FAM13B: variants seen among roughly 807,000 people sequenced by gnomAD.
FAM13B encodes the protein family with sequence similarity 13 member B.
FAM13B carries 60 observed loss-of-function variants against 117.3 expected under a neutral mutation model. That is an observed-to-expected ratio of 0.51 (90% confidence interval 0.42 to 0.63). FAM13B has a LOEUF of 0.63. Ranked by LOEUF, FAM13B falls within the 30% of genes least tolerant of loss-of-function variation. The pLI is 0.00. For synonymous variants in FAM13B, 332 were observed against 356.1 expected, an observed-to-expected ratio of 0.93 and a Z score of 0.76; for missense variants, 972 against 1,091.9, an observed-to-expected ratio of 0.89 and a Z score of 1.55.
chr5:137,941,501 C>A (rs1176968451), intron 23 of FAM13B, among the ~76,000 whole-genome samples: 2 of 152,174 alleles, frequency 1.3e-5, no homozygotes, highest in African/African-American at 4.8e-5. Context: ...GAGCCACATG[C>A]CTGGCACACT....
intron 10 of FAM13B, among the ~76,000 whole-genome samples, chr5:137,977,510 C>A (rs1306113395): frequency 2.0e-5 from 3 of 152,128 alleles, no homozygotes; most frequent in African/African-American, 4.8e-5. Context: ...CCCCGGATGC[C>A]CAGCTTTAAA....
intron 7 of FAM13B, 113 bp from the exon 8 acceptor site, chr5:137,988,428 T>A (rs1705140590): frequency 2.7e-6 from 2 of 730,444 alleles, no homozygotes; most frequent in Admixed American, 3.0e-5. Context: ...GAGCACATAC[T>A]AAGTGTTGTA....
chr5:137,953,506 T>G, intron 15 of FAM13B, 41 bp from the exon 16 acceptor site: 1 of 1,603,120 alleles, frequency 6.2e-7, no homozygotes, highest in Non-Finnish European at 8.5e-7. Flanking sequence ...AATTTTCAAG[T>G]ACCAACACTG....
At chr5:137,996,279 G>A (rs528751107) in intron 7 of FAM13B, among the ~76,000 whole-genome samples, 1 of 152,210 alleles carries the variant, frequency 6.6e-6, no homozygotes, top group South Asian at 2.1e-4. Context: ...GGGACTACAG[G>A]CGCCGGCCAC....
At chr5:137,970,062 C>T (rs1186332302) in intron 10 of FAM13B, among the ~76,000 whole-genome samples, 1 of 152,004 alleles carries the variant, frequency 6.6e-6, no homozygotes, top group African/African-American at 2.4e-5. Flanking sequence ...GAGAACTTCC[C>T]CAATCTAGCA....
chr5:137,955,177 C>T (rs1356624976), intron 14 of FAM13B, among the ~76,000 whole-genome samples: 1 of 150,340 alleles, frequency 6.7e-6, no homozygotes, highest in Non-Finnish European at 1.5e-5. Context: ...CTGTCCCTCA[C>T]TGTCAAATAG....
At chr5:137,987,949 C>T (rs964655587) in intron 8 of FAM13B, among the ~76,000 whole-genome samples, 1 of 152,146 alleles carries the variant, frequency 6.6e-6, no homozygotes, top group Non-Finnish European at 1.5e-5. Context: ...GCAAAATAAC[C>T]TACTAACAGC....
rs369680761 is a variant in FAM13B at position 137,977,759 on chromosome 5, T to G, written c.1179+7498A>C. Among the ~76,000 whole-genome samples the G allele has an allele frequency of 1.1e-4, 16 of 152,360 alleles. No individual in the cohort carries two copies. The East Asian group carries it at 2.1e-3, about 20-fold the overall frequency. ...GCAGCTTCTACCTACTCACCTGATA[T>G]TCATTCTCAACCATGAAATCCTCTA... On this transcript the variant is annotated intron_variant, in intron 10 of 23. Transcript: ENST00000689681.
chr5:137,968,621 A>C (rs1195988352), intron 10 of FAM13B, among the ~76,000 whole-genome samples: 2 of 152,168 alleles, frequency 1.3e-5, no homozygotes, highest in Non-Finnish European at 2.9e-5. Flanking sequence ...ATGGCCGAAT[A>C]GGAACGGCTC....
intron 10 of FAM13B, among the ~76,000 whole-genome samples, chr5:137,984,521 T>G (rs1187335473): frequency 6.6e-6 from 1 of 152,188 alleles, no homozygotes; most frequent in African/African-American, 2.4e-5. Context: ...GTATCTCCCA[T>G]GTATATATGA....
At chr5:138,020,680 A>C (rs910852807) in intron 2 of FAM13B, 1 of 153,610 alleles carries the variant, frequency 6.5e-6, no homozygotes, top group African/African-American at 2.4e-5. Context: ...TAGAAAAACA[A>C]TTTCTTTCTC....
intron 7 of FAM13B, among the ~76,000 whole-genome samples, chr5:137,996,921 T>C (rs1316984321): frequency 6.6e-6 from 1 of 152,198 alleles, no homozygotes; most frequent in African/African-American, 2.4e-5. Flanking sequence ...AATTGAGTTT[T>C]AGGAAGGCAT....
chr5:137,949,565 AG>A (rs1337521747), intron 17 of FAM13B, among the ~76,000 whole-genome samples: 2 of 152,192 alleles, frequency 1.3e-5, no homozygotes, highest in African/African-American at 4.8e-5. Flanking sequence ...GGATCACTTG[AG>A]GTCAGGAGTT....
intron 20 of FAM13B, among the ~76,000 whole-genome samples, chr5:137,943,972 G>A (rs1375355386): frequency 1.3e-5 from 2 of 151,784 alleles, no homozygotes; most frequent in Admixed American, 6.6e-5. Context: ...CACTAATTTC[G>A]GAACGTTTCA....
intron 20 of FAM13B, 50 bp downstream of exon 20, chr5:137,945,852 G>C: frequency 7.4e-7 from 1 of 1,357,704 alleles, no homozygotes; most frequent in Admixed American, 1.8e-5. Context: ...TTTTTGGGAA[G>C]AGTACATCTT....
chr5:138,047,374 C>T (rs2151131896), intron 1 of FAM13B, among the ~76,000 whole-genome samples: 1 of 151,572 alleles, frequency 6.6e-6, no homozygotes, highest in South Asian at 2.1e-4. Context: ...GGCGTGGTAG[C>T]ACACGCCTGT....
At chr5:137,986,740 T>C (rs1777337971) in intron 9 of FAM13B, among the ~76,000 whole-genome samples, 1 of 152,272 alleles carries the variant, frequency 6.6e-6, no homozygotes, top group South Asian at 2.1e-4. Context: ...GGCTCATAAA[T>C]TATTTTAAAA....
Position 137,938,278 on chromosome 5 carries a change from T to C in FAM13B, c.*1947A>G, listed in dbSNP as rs193210302. ...TGAAACCAGTCAGACCACTGACTTA[T>C]AAAAATATGGTACTCATATAGATTT... is the stretch of plus-strand genomic sequence containing the variant. On this transcript the variant is annotated 3_prime_UTR_variant, in exon 24 of 24. Coordinates refer to ENST00000689681, the MANE Select transcript of FAM13B (RefSeq NM_001385994.1). The C allele has an allele frequency of 2.5e-4, 38 of 152,702 alleles. No homozygotes were observed. The highest frequency in any genetic ancestry group is 8.7e-4 in the African/African-American group (36 of 41,572). 9.5% of individuals were successfully genotyped at this position (152,702 alleles called of 1,614,324 possible). A position where few individuals can be genotyped will look rare whatever the true frequency, so the allele number is the denominator to read the frequency against.
chr5:137,966,524 G>GAGAGAGAGAA (rs1491187151), intron 10 of FAM13B, among the ~76,000 whole-genome samples: 1 of 126,938 alleles, frequency 7.9e-6, no homozygotes, highest in African/African-American at 2.9e-5. Flanking sequence ...GAGAGAGAGA[G>GAGAGAGAGAA]GGAAAGAGAG....
Sources: allele counts gnomAD v4.1 joint callset (sites outside exome capture counted in the v4.1 genomes callset), GRCh38; gene constraint gnomAD v4.1.1; transcripts MANE v1.5; gene names NCBI Gene and HGNC (gene_info 2026-07-23, HGNC 2026-07-21).